Variants in ENKUR observed in about 807,000 individuals in gnomAD.
ENKUR encodes enkurin.
A neutral mutation model predicts 27.6 loss-of-function variants in ENKUR; 19 were observed. The observed-to-expected ratio is 0.69, with a 90% CI of 0.48 to 1.01. The LOEUF is 1.01. Ranked by LOEUF, ENKUR falls within the 50% of genes least tolerant of loss-of-function variation. The probability of loss-of-function intolerance (pLI) is 0.00; values close to 1 mark genes in which losing one functional copy is unlikely to be tolerated. For synonymous variants in ENKUR, 117 were observed against 96.9 expected (o/e 1.21, Z -1.22); for missense variants, 312 against 310.5 (o/e 1.00, Z -0.04).
At chr10:25,000,004 T>C (rs538872977) in intron 1 of ENKUR, among the ~76,000 whole-genome samples, 1 of 152,324 alleles carries the variant, frequency 6.6e-6, no homozygotes, top group East Asian at 1.9e-4. Context: ...ACTTTGGTTT[T>C]AATTTGTTTT....
chr10:24,990,464 T>A lies in ENKUR; in HGVS notation c.593A>T (p.Gln198Leu), dbSNP rs1393533837. The A allele has an allele frequency of 6.2e-7, 1 of 1,611,220 alleles. No homozygotes were observed. Among genetic ancestry groups the A allele is most frequent in the Admixed American group, 1.7e-5 (1 of 59,332 alleles). The part of the protein sequence containing the change: ...LSDEEREAVL[Q>L]GLKKNWEEVH... ...GAATGTAAATGGCAGAACACACACC[T>A]GCAAAACTGCCTCCCTTTCTTCATC... Residue 198 changes from glutamine to leucine, a missense_variant and splice_region_variant, in exon 4 of 6, where the codon CAG (glutamine) becomes CTG (leucine). Physicochemically the swap from Gln to Leu is moderately radical, Grantham distance 113 (BLOSUM62 -2). Transcript: ENST00000331161.
intron 4 of ENKUR, among the ~76,000 whole-genome samples, chr10:24,987,718 G>T (rs1176790991): frequency 6.6e-6 from 1 of 152,164 alleles, no homozygotes; most frequent in Non-Finnish European, 1.5e-5. Flanking sequence ...GTGTTCTGTA[G>T]TGGGGGAAAC....
chr10:25,010,739 CCAAT>C (rs1850424491), intron 1 of ENKUR, among the ~76,000 whole-genome samples: 1 of 136,732 alleles, frequency 7.3e-6, no homozygotes, highest in Admixed American at 8.1e-5. Flanking sequence ...ATGACGATTT[CCAAT>C]TTCATCCATG....
chr10:25,023,108 A>G (rs1015732176), intron 2 of ENKUR: 12 of 983,684 alleles, frequency 1.2e-5, no homozygotes, highest in Non-Finnish European at 1.5e-6. Context: ...TTGGGATTTT[A>G]ACAATCTACT....
chr10:25,052,621 A>G (rs541566479), intron 2 of ENKUR, among the ~76,000 whole-genome samples: 102 of 152,146 alleles, frequency 6.7e-4, no homozygotes, highest in Non-Finnish European at 3.1e-4. Flanking sequence ...TTTAAAAAAA[A>G]TTTAGCTGGG....
chr10:25,031,738 CT>C (rs60752145), intron 2 of ENKUR, among the ~76,000 whole-genome samples: 36,146 of 129,682 alleles, frequency 0.28, 5,450 homozygotes, highest in East Asian at 0.53. Context: ...GTTTTTAGTT[CT>C]TTTTTTTTTT....
chr10:25,033,825 G>GTGTCTATCTA lies in ENKUR; in HGVS notation c.37+27286_37+27287insTAGATAGACA, dbSNP rs912241465. ...TGTATGTATGTATGTGTGTGTGTGT[G>GTGTCTATCTA]TCTATCTATCTATCTATCTATCTAT... On this transcript the variant is annotated intron_variant, in intron 2 of 5. Coordinates refer to the ENKUR transcript ENST00000615958. 2.6e-3 allele frequency among the ~76,000 whole-genome samples: 385 copies of GTGTCTATCTA among 148,728 alleles called. 1 individual carries two copies. The highest frequency in any genetic ancestry group is 8.9e-3 in the African/African-American group (354 of 39,810).
Position 24,982,659 on chromosome 10 carries a change from A to G in ENKUR, c.*1711T>C, listed in dbSNP as rs1849692973. The G allele has an allele frequency of 6.6e-6, 1 of 152,148 alleles. No homozygotes were observed. Among genetic ancestry groups the G allele is most frequent in the Non-Finnish European group, 1.5e-5 (1 of 68,046 alleles). 9.4% of individuals were successfully genotyped at this position (152,148 alleles called of 1,614,324 possible). A position where few individuals can be genotyped will look rare whatever the true frequency, so the allele number is the denominator to read the frequency against. On this transcript the variant is annotated 3_prime_UTR_variant, in exon 6 of 6. Transcript: ENST00000331161. ...TTTTGGGTGATAGGATGACCTAGGT[A>G]TGTATGTGTATGGATTGGGGGAGGT...
chr10:25,007,640 T>C (rs1160989881), intron 1 of ENKUR, among the ~76,000 whole-genome samples: 1 of 152,144 alleles, frequency 6.6e-6, no homozygotes, highest in Non-Finnish European at 1.5e-5. Context: ...TTCACCATGT[T>C]AGCCAGGATG....
chr10:25,057,380 TACACACACACACACACACAC>T (rs139515865), intron 2 of ENKUR, among the ~76,000 whole-genome samples: 9 of 117,750 alleles, frequency 7.6e-5, no homozygotes, highest in Non-Finnish European at 1.4e-4. Context: ...TGCACTTTGG[TACACACACACACACACACAC>T]ACACACACAC....
intron 2 of ENKUR, among the ~76,000 whole-genome samples, chr10:25,036,886 G>GCTTTC (rs1564354680): frequency 7.9e-5 from 12 of 152,082 alleles, no homozygotes; most frequent in African/African-American, 2.4e-4. Flanking sequence ...TCCCCTTCAG[G>GCTTTC]CTATGATGGT....
intron 2 of ENKUR, among the ~76,000 whole-genome samples, chr10:25,050,541 C>A (rs1184640340): frequency 6.6e-6 from 1 of 152,118 alleles, no homozygotes; most frequent in African/African-American, 2.4e-5. Flanking sequence ...TGAGAAAGAC[C>A]TGGCTCCATG....
chr10:25,023,553 A>G (rs1487980316), intron 2 of ENKUR: 11 of 1,613,996 alleles, frequency 6.8e-6, no homozygotes, highest in Middle Eastern at 1.6e-4. Flanking sequence ...GTAATGAGCA[A>G]TTTTTAGAAG....
rs200126681 is a variant in ENKUR, at chr10:25,024,338, A to T, written c.38-28469T>A. The T allele has an allele frequency of 3.2e-5, 51 of 1,614,208 alleles. No individual in the cohort carries two copies. The Admixed American group carries it at 6.2e-4, about 20-fold the overall frequency. On this transcript the variant is annotated intron_variant, in intron 2 of 5. Coordinates refer to the ENKUR transcript ENST00000615958. ...CACTGTATCCCACCAAGTTGCAATT[A>T]TATGATACTTGTAGCTACTTCAGGA... is the stretch of plus-strand genomic sequence containing the variant.
In ENKUR at chr10:25,015,968, C is replaced by G. The variant is rs982939281; in HGVS notation, c.-32G>C. 2 of 1,590,492 alleles carry G rather than the reference C, an allele frequency of 1.3e-6. No homozygotes were observed. The highest frequency in any genetic ancestry group is 1.7e-6 in the Non-Finnish European group (2 of 1,169,440). On this transcript the variant is annotated 5_prime_UTR_variant, in exon 1 of 6. Coordinates refer to ENST00000331161, the MANE Select transcript of ENKUR (RefSeq NM_145010.4). ...CAAATGACTCCTTAAAAGCTACTCT[C>G]CACAACTTTTTTCTCCCTGTCCCAG... is the stretch of plus-strand genomic sequence containing the variant.
intron 2 of ENKUR, among the ~76,000 whole-genome samples, chr10:25,052,901 C>A (rs1159732041): frequency 1.3e-5 from 2 of 151,994 alleles, no homozygotes; most frequent in African/African-American, 4.8e-5. Flanking sequence ...TCCCGAGTAG[C>A]TAGGATTACA....
Position 24,990,595 on chromosome 10 carries a change from T to G in ENKUR, c.462A>C (p.Thr154=), listed in dbSNP as rs1216926651. 1.3e-6 allele frequency: 2 copies of G among 1,599,700 alleles called. No individual in the cohort carries two copies. The highest frequency in any genetic ancestry group is 1.1e-5 in the South Asian group (1 of 87,266). The change falls in exon 4 of 6, where the codon ACA becomes ACC. Residue 154 remains threonine (T), a synonymous_variant. Coordinates refer to ENST00000331161, the MANE Select transcript of ENKUR (RefSeq NM_145010.4). ...KYINKKDYGV[T]PEYICKRNEE... ...CGTTTCGCTTACATATGTATTCAGG[T>G]GTGACACCATAATCCTAAAAAGATT... is the stretch of plus-strand genomic sequence containing the variant.
At chr10:25,054,477 C>CTTTCTTT (rs1341557853) in intron 2 of ENKUR, among the ~76,000 whole-genome samples, 2 of 108,950 alleles carry the variant, frequency 1.8e-5, no homozygotes, top group Non-Finnish European at 4.0e-5. Flanking sequence ...TTCTTTCTTT[C>CTTTCTTT]TTTCTTTCTT....
chr10:25,012,963 G>A (rs1850484459), intron 1 of ENKUR, among the ~76,000 whole-genome samples: 1 of 152,152 alleles, frequency 6.6e-6, no homozygotes, highest in South Asian at 2.1e-4. Context: ...GTCATGGGAG[G>A]GATCTGGTGA....
Sources: allele counts gnomAD v4.1 joint callset (sites outside exome capture counted in the v4.1 genomes callset), GRCh38; gene constraint gnomAD v4.1.1; transcripts MANE v1.5; gene names NCBI Gene and HGNC (gene_info 2026-07-23, HGNC 2026-07-21).